TMEM117: variants seen among roughly 807,000 people sequenced by gnomAD.
The protein encoded by TMEM117 is transmembrane protein 117.
In TMEM117, 27 loss-of-function variants were observed where a neutral mutation model predicts 52.4. That is an observed-to-expected ratio of 0.51 (90% CI 0.38 to 0.71). The LOEUF (loss-of-function observed/expected upper bound fraction) is 0.71. TMEM117 is among the 30% of genes least tolerant of loss of function. The pLI, the probability that TMEM117 is intolerant of heterozygous loss-of-function variation, is 0.00. For synonymous variants in TMEM117, 215 were observed against 206.3 expected (o/e 1.04, Z -0.36); for missense variants, 556 against 630.5 (o/e 0.88, Z 1.26).
intron 5 of TMEM117, among the ~76,000 whole-genome samples, chr12:44,223,214 C>G (rs1190036778): frequency 6.6e-6 from 1 of 151,976 alleles, no homozygotes; most frequent in Non-Finnish European, 1.5e-5. Flanking sequence ...CTCCACCCTG[C>G]AAAATGCCCC....
At chr12:43,889,622 G>T (rs1944065794) in intron 2 of TMEM117, among the ~76,000 whole-genome samples, 2 of 152,220 alleles carry the variant, frequency 1.3e-5, no homozygotes, top group South Asian at 4.1e-4. Flanking sequence ...TGGTGTGGTT[G>T]AAATAGTTTT....
In TMEM117 at chr12:44,295,501, G is replaced by A. The variant is rs139502414; in HGVS notation, c.609-4079G>A. Among the ~76,000 whole-genome samples the A allele has an allele frequency of 9.5e-4, 145 of 152,184 alleles. 1 individual carries two copies. Among genetic ancestry groups the A allele is most frequent in the African/African-American group, 3.3e-3 (136 of 41,526 alleles). On this transcript the variant is annotated intron_variant, in intron 5 of 7. Transcript: ENST00000266534. ...TGGGATTACGGGCATAAGCCACTAC[G>A]CTTGGCCTAGTATGCTGTCTTTACT...
In TMEM117 at chr12:44,007,712, T is replaced by C. The variant is rs923542546; in HGVS notation, c.410+63370T>C. 2.6e-5 allele frequency among the ~76,000 whole-genome samples: 4 copies of C among 152,060 alleles called. No homozygotes were observed. The South Asian group carries it at 6.2e-4, about 24-fold the overall frequency. On this transcript the variant is annotated intron_variant, in intron 3 of 7. Coordinates refer to ENST00000266534, the MANE Select transcript of TMEM117 (RefSeq NM_032256.3). ...GTGGGAGGGACCCAGTGGGAGGTAA[T>C]TGAATCATGGGGGCTAGTATTTCTG... is the stretch of plus-strand genomic sequence containing the variant.
chr12:44,235,458 T>C (rs1949984568), intron 5 of TMEM117, among the ~76,000 whole-genome samples: 3 of 151,690 alleles, frequency 2.0e-5, no homozygotes, highest in Admixed American at 2.0e-4. Context: ...TCATCTAAAT[T>C]TGTATTTTAA....
intron 3 of TMEM117, among the ~76,000 whole-genome samples, chr12:44,056,387 T>C (rs559285225): frequency 6.6e-6 from 1 of 152,352 alleles, no homozygotes; most frequent in South Asian, 2.1e-4. Context: ...GTTTATATTA[T>C]GTTGGGAAAG....
At chr12:44,101,965 A>G (rs1443348802) in intron 3 of TMEM117, among the ~76,000 whole-genome samples, 1 of 152,082 alleles carries the variant, frequency 6.6e-6, no homozygotes, top group East Asian at 1.9e-4. Context: ...AAGCATCATA[A>G]ACTGATCTAT....
At chr12:44,295,826 G>C (rs1950762066) in intron 5 of TMEM117, among the ~76,000 whole-genome samples, 1 of 152,062 alleles carries the variant, frequency 6.6e-6, no homozygotes, top group Non-Finnish European at 1.5e-5. Context: ...ACAGTTCATA[G>C]ATCTCAATTT....
chr12:44,036,254 T>C (rs1000295791), intron 3 of TMEM117, among the ~76,000 whole-genome samples: 2 of 152,186 alleles, frequency 1.3e-5, no homozygotes, highest in African/African-American at 4.8e-5. Flanking sequence ...TATAAAATAT[T>C]TGTAAGTTTA....
the TMEM117 span, among the ~76,000 whole-genome samples, chr12:43,817,769 T>A: frequency 3.3e-5 from 5 of 152,238 alleles, no homozygotes. Context: ...GATTGGACTA[T>A]GAATTATTTC....
intron 3 of TMEM117, among the ~76,000 whole-genome samples, chr12:44,127,404 C>T (rs189227307): frequency 4.6e-5 from 7 of 152,038 alleles, no homozygotes; most frequent in Admixed American, 2.0e-4. Flanking sequence ...AGGCTGGTCA[C>T]GGTGGCGCGT....
At chr12:43,954,992 A>C (rs2137645707) in intron 3 of TMEM117, among the ~76,000 whole-genome samples, 1 of 152,344 alleles carries the variant, frequency 6.6e-6, no homozygotes, top group South Asian at 2.1e-4. Context: ...TACGTAAATC[A>C]ATAATGCAAT....
intron 4 of TMEM117, among the ~76,000 whole-genome samples, chr12:44,156,944 A>G (rs1395117149): frequency 6.6e-6 from 1 of 152,138 alleles, no homozygotes; most frequent in Non-Finnish European, 1.5e-5. Context: ...TTTGATGCTC[A>G]CAGTGTATTC....
chr12:44,376,600 G>A lies in TMEM117; in HGVS notation c.774G>A (p.Trp258Ter). The change falls in exon 7 of 8, where the codon TGG becomes TGA. Residue 258 changes from tryptophan (W) to a stop codon, truncating the protein, a stop_gained. Transcript: ENST00000266534. LOFTEE classifies it high-confidence loss of function. ...TATTTGATTTTCTCTGACAGGACTG[G>A]GAATTCCCACATTTCATGGGAGATG... The part of the protein sequence containing the change: ...VFDLLIVMQD[W>*]EFPHFMGDVD... 1.9e-6 allele frequency: 3 copies of A among 1,602,752 alleles called. No homozygotes were observed. Among genetic ancestry groups the A allele is most frequent in the East Asian group, 2.2e-5 (1 of 44,606 alleles).
intron 4 of TMEM117, among the ~76,000 whole-genome samples, chr12:44,179,214 C>T (rs1949156389): frequency 1.3e-5 from 2 of 150,208 alleles, no homozygotes; most frequent in Admixed American, 1.3e-4. Context: ...AACAAAGCTG[C>T]TATATATATA....
chr12:44,353,853 T>C (rs1222549931), intron 6 of TMEM117, among the ~76,000 whole-genome samples: 1 of 152,238 alleles, frequency 6.6e-6, no homozygotes, highest in Non-Finnish European at 1.5e-5. Flanking sequence ...GGTAGCTTGA[T>C]GGGGATGGCA....
intron 3 of TMEM117, among the ~76,000 whole-genome samples, chr12:44,092,503 A>G (rs1231516459): frequency 6.6e-6 from 1 of 151,646 alleles, no homozygotes; most frequent in African/African-American, 2.4e-5. Context: ...TAGCTTGTGT[A>G]GAAGACATTA....
chr12:44,343,427 T>A (rs1390288445), intron 6 of TMEM117, among the ~76,000 whole-genome samples: 1 of 152,108 alleles, frequency 6.6e-6, no homozygotes, highest in Non-Finnish European at 1.5e-5. Flanking sequence ...CACACTCACC[T>A]GAAAAATTTA....
chr12:43,962,003 T>G (rs936838343), intron 3 of TMEM117, among the ~76,000 whole-genome samples: 38 of 152,212 alleles, frequency 2.5e-4, no homozygotes, highest in Non-Finnish European at 4.4e-4. Context: ...TAGTTATTCT[T>G]GAGGAATTGA....
chr12:44,271,464 C>G (rs1038454147), intron 5 of TMEM117, among the ~76,000 whole-genome samples: 4 of 151,958 alleles, frequency 2.6e-5, no homozygotes, highest in Non-Finnish European at 5.9e-5. Flanking sequence ...TACGGTCAAT[C>G]AATTTTTGAC....
Sources: allele counts gnomAD v4.1 joint callset (sites outside exome capture counted in the v4.1 genomes callset), GRCh38; gene constraint gnomAD v4.1.1; transcripts MANE v1.5; gene names NCBI Gene and HGNC (gene_info 2026-07-23, HGNC 2026-07-21).